The following HIPK2 variants were observed in gnomAD, a reference collection of about 807,000 sequenced individuals.
The protein encoded by HIPK2 is homeodomain-interacting protein kinase 2.
HIPK2 carries 27 observed loss-of-function variants against 113.7 expected under a neutral mutation model. The ratio of observed to expected loss-of-function variants is 0.24; its 90% CI spans 0.17 to 0.33. The LOEUF (loss-of-function observed/expected upper bound fraction) is 0.33, where lower values mean the gene tolerates loss of function less well. HIPK2 is among the 10% of genes least tolerant of loss of function. The pLI, the probability that HIPK2 is intolerant of heterozygous loss-of-function variation, is 1.00. For missense variants in HIPK2, 1,257 were observed against 1,588.0 expected (o/e 0.79, Z 3.54); for synonymous variants, 631 against 642.2 (o/e 0.98, Z 0.26).
intron 2 of HIPK2, among the ~76,000 whole-genome samples, chr7:139,695,931 T>C (rs1056092475): frequency 6.9e-6 from 1 of 144,134 alleles, no homozygotes; most frequent in Non-Finnish European, 1.5e-5. Context: ...TTGCTCCTAA[T>C]AGGTGTCCAA....
Position 139,716,469 on chromosome 7 carries a change from T to C in HIPK2, c.566A>G (p.His189Arg). Reference sequence around the variant, plus strand: ...GTTGGTCATGGAGCACAGCACCTCATGCTGCACCAGCTGATAGTCGCCCTC... The same window carrying C: ...GTTGGTCATGGAGCACAGCACCTCACGCTGCACCAGCTGATAGTCGCCCTC... Reference protein sequence around the residue: ...NSEGDYQLVQHEVLCSMTNTY... With the variant: ...NSEGDYQLVQREVLCSMTNTY... The change falls in exon 2 of 15, where the codon CAT (histidine) becomes CGT (arginine). Residue 189 changes from histidine (H) to arginine (R), a missense_variant. His to Arg is a conservative substitution (Grantham distance 29). Transcript: ENST00000406875. This position sits in a 1 kb window ranked among gnomAD's most constrained non-coding sequence, Gnocchi z 9.3. The C allele has an allele frequency of 6.2e-7, 1 of 1,614,026 alleles. No homozygotes were observed. The highest frequency in any genetic ancestry group is 8.5e-7 in the Non-Finnish European group (1 of 1,179,888).
intron 1 of HIPK2, among the ~76,000 whole-genome samples, chr7:139,732,116 C>A (rs1482656034): frequency 6.6e-6 from 1 of 152,170 alleles, no homozygotes; most frequent in East Asian, 1.9e-4. Context: ...AATAAAGTAG[C>A]ATTGTAATGT....
In HIPK2 at chr7:139,714,817, G is replaced by A. The variant is rs887215565; in HGVS notation, c.1103+1115C>T. Among the ~76,000 whole-genome samples the A allele has an allele frequency of 1.3e-5, 2 of 152,212 alleles. No homozygotes were observed. The highest frequency in any genetic ancestry group is 4.8e-5 in the African/African-American group (2 of 41,456). On this transcript the variant is annotated intron_variant, in intron 2 of 14. Transcript: ENST00000406875. This position sits in a 1 kb window ranked among gnomAD's most constrained non-coding sequence, Gnocchi z 4.2. ...ACCCCCAGGCTGGTTCCACAGAGCA[G>A]GGTCTTGCTTTCCATCCCTGCCGCC...
chr7:139,673,334 G>A (rs147448906), intron 2 of HIPK2, among the ~76,000 whole-genome samples: 4 of 152,242 alleles, frequency 2.6e-5, no homozygotes, highest in South Asian at 2.1e-4. Flanking sequence ...TGATGGTGGC[G>A]GAGCCGCATT....
At chr7:139,728,225 G>A (rs1795648648) in intron 1 of HIPK2, among the ~76,000 whole-genome samples, 1 of 152,296 alleles carries the variant, frequency 6.6e-6, no homozygotes, top group South Asian at 2.1e-4. Flanking sequence ...TTACAGGTGT[G>A]AGCCACTGTG....
Position 139,563,779 on chromosome 7 carries a change from G to GT in HIPK2, c.*9147dup, listed in dbSNP as rs1440468674. ...AGTTCACAGGGAAAAAGCAAATGTG[G>GT]TATTTTTTTGTATTTTTTAAAAGCT... On this transcript the variant is annotated 3_prime_UTR_variant, in exon 15 of 15. Coordinates refer to ENST00000406875, the MANE Select transcript of HIPK2 (RefSeq NM_022740.5). The GT allele has an allele frequency of 5.0e-6, 2 of 398,372 alleles. No homozygotes were observed. The highest frequency in any genetic ancestry group is 8.8e-6 in the Non-Finnish European group (2 of 226,042). The allele number at this position is 398,372 out of a possible 1,614,324, so 24.7% of individuals were successfully genotyped here.
intron 1 of HIPK2, among the ~76,000 whole-genome samples, chr7:139,721,871 A>T (rs1795421363): frequency 6.6e-6 from 1 of 152,164 alleles, no homozygotes; most frequent in Non-Finnish European, 1.5e-5. Context: ...TACAGGAATG[A>T]CCTGACCCAG....
At chr7:139,722,113 G>A in intron 1 of HIPK2, 1 of 381,854 alleles carries the variant, frequency 2.6e-6, no homozygotes, top group Non-Finnish European at 5.4e-6. Flanking sequence ...ACGAGTTCAT[G>A]TGGTTGCTAC....
chr7:139,735,213 G>A (rs1329367343), intron 1 of HIPK2, among the ~76,000 whole-genome samples: 3 of 152,166 alleles, frequency 2.0e-5, no homozygotes, highest in African/African-American at 4.8e-5. Context: ...AGTACATGAC[G>A]ACTTAAGCCT....
At chr7:139,626,941 T>C (rs1304410536) in intron 5 of HIPK2, 156 bp from the exon 6 acceptor site, 1 of 255,140 alleles carries the variant, frequency 3.9e-6, no homozygotes, top group Non-Finnish European at 6.2e-6. Flanking sequence ...ACCACCCACA[T>C]GTTGTCATTG....
intron 2 of HIPK2, among the ~76,000 whole-genome samples, chr7:139,672,023 T>C (rs1003011914): frequency 7.9e-5 from 12 of 152,230 alleles, no homozygotes; most frequent in African/African-American, 2.9e-4. Context: ...TAACATTATA[T>C]GATTCTAGAT....
chr7:139,704,120 C>CCACACACACACCA (rs1237387289), intron 2 of HIPK2, among the ~76,000 whole-genome samples: 1 of 124,556 alleles, frequency 8.0e-6, no homozygotes, highest in African/African-American at 3.1e-5. Flanking sequence ...CCAACACACA[C>CCACACACACACCA]CACACACACA....
intron 1 of HIPK2, among the ~76,000 whole-genome samples, chr7:139,718,828 T>C (rs1042072826): frequency 6.6e-6 from 1 of 152,168 alleles, no homozygotes; most frequent in Non-Finnish European, 1.5e-5. Flanking sequence ...TTCCCCCCTC[T>C]TAATTCTTTC....
At chr7:139,594,861 C>A (rs1172848675) in intron 12 of HIPK2, among the ~76,000 whole-genome samples, 1 of 152,208 alleles carries the variant, frequency 6.6e-6, no homozygotes, top group African/African-American at 2.4e-5. Flanking sequence ...GTGCACCTGG[C>A]TCTCTCTCCC....
intron 2 of HIPK2, among the ~76,000 whole-genome samples, chr7:139,713,897 T>A (rs1795142129): frequency 6.6e-6 from 1 of 152,220 alleles, no homozygotes; most frequent in Non-Finnish European, 1.5e-5. Flanking sequence ...CTACAGAGAA[T>A]ATGTGCTGTC....
At chr7:139,650,902 T>G (rs78257347) in intron 2 of HIPK2, among the ~76,000 whole-genome samples, 3 of 152,244 alleles carry the variant, frequency 2.0e-5, no homozygotes, top group African/African-American at 7.2e-5. Context: ...CAGCCTGGGC[T>G]AAGAGCTCAC....
At chr7:139,705,377 TC>T (rs1193710825) in intron 2 of HIPK2, among the ~76,000 whole-genome samples, 3 of 150,118 alleles carry the variant, frequency 2.0e-5, no homozygotes, top group Admixed American at 2.0e-4. Flanking sequence ...GCTAGTAGTT[TC>T]CCCCTTTTTT....
chr7:139,714,479 G>T lies in HIPK2; in HGVS notation c.1103+1453C>A, dbSNP rs1193450208. ...CAACAGCTCTGCCTGCAGCCAGGATGGGGGCCCGGACAGGGAGCAAGAAGG... is the reference window on the plus strand; with the variant it reads ...CAACAGCTCTGCCTGCAGCCAGGATTGGGGCCCGGACAGGGAGCAAGAAGG... On this transcript the variant is annotated intron_variant, in intron 2 of 14. Transcript: ENST00000406875. The surrounding 1 kb of genome is among the most constrained non-coding windows in gnomAD (Gnocchi z 4.2). 6.6e-6 allele frequency among the ~76,000 whole-genome samples: 1 copy of T among 152,150 alleles called. No homozygotes were observed. Among genetic ancestry groups the T allele is most frequent in the Non-Finnish European group, 1.5e-5 (1 of 68,016 alleles).
At chr7:139,704,250 C>A (rs1794820230) in intron 2 of HIPK2, among the ~76,000 whole-genome samples, 2 of 141,734 alleles carry the variant, frequency 1.4e-5, no homozygotes, top group Admixed American at 6.9e-5. Context: ...TGCACCCCTC[C>A]ACACCCACAC....
Sources: allele counts gnomAD v4.1 joint callset (sites outside exome capture counted in the v4.1 genomes callset), GRCh38; gene constraint gnomAD v4.1.1; non-coding constraint Gnocchi (gnomAD v3.1); transcripts MANE v1.5; gene names NCBI Gene and HGNC (gene_info 2026-07-23, HGNC 2026-07-21).